SOX5: variants seen among roughly 807,000 people sequenced by gnomAD.
The protein encoded by SOX5 is SRY-box transcription factor 5.
Under a neutral mutation model 92.0 loss-of-function variants are expected in SOX5, and 9 were observed. The observed-to-expected ratio is 0.10, with a 90% confidence interval of 0.06 to 0.17. SOX5 has a LOEUF of 0.17. SOX5 is among the 10% of genes least tolerant of loss of function. The pLI, the probability that SOX5 is intolerant of heterozygous loss-of-function variation, is 1.00. For synonymous variants in SOX5, 344 were observed against 336.3 expected (o/e 1.02, Z -0.25); for missense variants, 642 against 944.5 (o/e 0.68, Z 4.20).
At chr12:24,075,524 G>T (rs148554009) in intron 4 of SOX5, among the ~76,000 whole-genome samples, 1 of 152,160 alleles carries the variant, frequency 6.6e-6, no homozygotes, top group Non-Finnish European at 1.5e-5. Context: ...CTGTAAAACT[G>T]CAGACAGATA....
At chr12:23,582,020 ATGAG>A (rs1950111211) in intron 9 of SOX5, 1 of 253,960 alleles carries the variant, frequency 3.9e-6, no homozygotes, top group African/African-American at 2.3e-5. Context: ...CCATATGGGG[ATGAG>A]TAAAGGCATT....
intron 1 of SOX5, among the ~76,000 whole-genome samples, chr12:24,462,398 G>A (rs145087160): frequency 3.9e-5 from 6 of 152,246 alleles, no homozygotes; most frequent in East Asian, 1.9e-4. Flanking sequence ...GTATATGGAA[G>A]AGCTCTGGAA....
At chr12:24,345,954 T>A (rs1193000201) in intron 2 of SOX5, among the ~76,000 whole-genome samples, 1 of 152,206 alleles carries the variant, frequency 6.6e-6, no homozygotes, top group African/African-American at 2.4e-5. Flanking sequence ...TACTACACAT[T>A]AGTGTCAACA....
intron 3 of SOX5, among the ~76,000 whole-genome samples, chr12:23,813,116 G>A (rs988577867): frequency 6.6e-6 from 1 of 152,002 alleles, no homozygotes; most frequent in Non-Finnish European, 1.5e-5. Context: ...AAAGTTTTCA[G>A]TGTATCGGGC....
intron 4 of SOX5, among the ~76,000 whole-genome samples, chr12:24,211,674 A>G (rs1448856974): frequency 6.6e-6 from 1 of 152,236 alleles, no homozygotes; most frequent in Non-Finnish European, 1.5e-5. Flanking sequence ...AGCATAATGT[A>G]GTAGACCTGC....
chr12:23,721,947 C>T (rs2140577620), intron 6 of SOX5, among the ~76,000 whole-genome samples: 1 of 152,186 alleles, frequency 6.6e-6, no homozygotes, highest in Admixed American at 6.5e-5. Context: ...CGAACTGAAA[C>T]CAGTTATTTA....
chr12:23,536,764 G>T, intron 13 of SOX5, 95 bp from the exon 14 acceptor site: 1 of 976,080 alleles, frequency 1.0e-6, no homozygotes, highest in Non-Finnish European at 1.6e-6. Flanking sequence ...AAGTTGAGAT[G>T]TTAGCCAAAA....
At chr12:24,392,764 C>T (rs1038777545) in intron 1 of SOX5, among the ~76,000 whole-genome samples, 1 of 152,126 alleles carries the variant, frequency 6.6e-6, no homozygotes, top group Non-Finnish European at 1.5e-5. Context: ...ATAATGGACA[C>T]ATAGTAAACA....
At chr12:24,372,203 T>C (rs544462637) in intron 1 of SOX5, among the ~76,000 whole-genome samples, 1 of 152,328 alleles carries the variant, frequency 6.6e-6, no homozygotes, top group Admixed American at 6.5e-5. Flanking sequence ...GTTACATAGT[T>C]ATACACGTGC....
intron 10 of SOX5, among the ~76,000 whole-genome samples, chr12:23,565,873 G>A (rs1363129946): frequency 2.0e-5 from 3 of 152,100 alleles, no homozygotes. Flanking sequence ...TCTCCTCATA[G>A]TCACCAAATC....
At chr12:23,649,795 A>C (rs978478847) in intron 7 of SOX5, among the ~76,000 whole-genome samples, 6 of 152,142 alleles carry the variant, frequency 3.9e-5, no homozygotes, top group African/African-American at 1.4e-4. Flanking sequence ...ACTATGAAGA[A>C]TTCATCTCTA....
chr12:24,338,189 A>C (rs1316145129), intron 2 of SOX5, among the ~76,000 whole-genome samples: 1 of 152,184 alleles, frequency 6.6e-6, no homozygotes, highest in African/African-American at 2.4e-5. Context: ...TGCATTTATA[A>C]AAAATTTATT....
intron 4 of SOX5, among the ~76,000 whole-genome samples, chr12:23,991,763 T>C (rs967189380): frequency 6.7e-6 from 1 of 149,000 alleles, no homozygotes; most frequent in Non-Finnish European, 1.5e-5. Flanking sequence ...TTTTTTTTTT[T>C]ACTTTATACA....
rs79790786 is a variant in SOX5 at position 23,801,932 on chromosome 12, C to T, written c.481+44051G>A. On this transcript the variant is annotated intron_variant, in intron 3 of 14. Transcript: ENST00000451604. ...ACAACGTCAATTCAGAATTTACAGACGTCCTTCAGAATTTACATATCAACT... is the reference window on the plus strand; with the variant it reads ...ACAACGTCAATTCAGAATTTACAGATGTCCTTCAGAATTTACATATCAACT... Among the ~76,000 whole-genome samples the T allele has an allele frequency of 7.3e-3, 1,116 of 152,240 alleles. 19 individuals carry two copies. The highest frequency in any genetic ancestry group is 0.026 in the African/African-American group (1,066 of 41,542).
intron 3 of SOX5, among the ~76,000 whole-genome samples, chr12:23,806,599 G>GA (rs368368718): frequency 0.15 from 14,596 of 95,778 alleles, 761 homozygotes; most frequent in East Asian, 0.25. Context: ...AAAAAAAAAA[G>GA]AAAAAAAAAA....
chr12:23,970,841 A>ATATATATATATATATATATATAAAATTT, intron 4 of SOX5, among the ~76,000 whole-genome samples: 1 of 21,878 alleles, frequency 4.6e-5, no homozygotes, highest in Non-Finnish European at 1.0e-4. Context: ...TATATATATA[A>ATATATATATATATATATATATAAAATTT]TTTTTTTTTT....
At chr12:24,095,837 C>T (rs577892355) in intron 4 of SOX5, among the ~76,000 whole-genome samples, 1 of 152,246 alleles carries the variant, frequency 6.6e-6, no homozygotes, top group Non-Finnish European at 1.5e-5. Flanking sequence ...CCTCCTGCCA[C>T]CTTGTGAAGA....
intron 4 of SOX5, among the ~76,000 whole-genome samples, chr12:24,076,927 A>C (rs145019290): frequency 6.6e-6 from 1 of 152,282 alleles, no homozygotes; most frequent in African/African-American, 2.4e-5. Flanking sequence ...ATTCCTTAAG[A>C]ATCAGATTAC....
chr12:24,204,647 G>A (rs1041620326), intron 4 of SOX5, among the ~76,000 whole-genome samples: 1 of 152,096 alleles, frequency 6.6e-6, no homozygotes, highest in Non-Finnish European at 1.5e-5. Flanking sequence ...TTTTAATATT[G>A]TTGATATTGT....
Sources: allele counts gnomAD v4.1 joint callset (sites outside exome capture counted in the v4.1 genomes callset), GRCh38; gene constraint gnomAD v4.1.1; transcripts MANE v1.5; gene names NCBI Gene and HGNC (gene_info 2026-07-23, HGNC 2026-07-21).